NEGR1: variants seen among roughly 807,000 people sequenced by gnomAD.
The protein encoded by NEGR1 is IgLON family member 4.
In NEGR1, 10 loss-of-function variants were observed where a neutral mutation model predicts 40.9. That is an observed-to-expected ratio of 0.24 (90% confidence interval 0.15 to 0.42). The LOEUF is 0.42. Among genes scored for constraint, NEGR1 ranks in the 10% least tolerant of loss-of-function variants. The pLI is 1.00. For synonymous variants in NEGR1, 185 were observed against 166.8 expected (o/e 1.11, Z -0.84); for missense variants, 352 against 438.9 (o/e 0.80, Z 1.77).
intron 6 of NEGR1, among the ~76,000 whole-genome samples, chr1:71,502,838 A>G (rs564465675): frequency 6.6e-6 from 1 of 152,310 alleles, no homozygotes; most frequent in South Asian, 2.1e-4. Flanking sequence ...TATCCTAGAT[A>G]TGAAACAAGT....
At chr1:71,742,866 A>G (rs994077013) in intron 3 of NEGR1, among the ~76,000 whole-genome samples, 1 of 152,224 alleles carries the variant, frequency 6.6e-6, no homozygotes, top group African/African-American at 2.4e-5. Flanking sequence ...GCCAGATCTT[A>G]TGTACACAAT....
chr1:71,841,076 C>A (rs627751), intron 2 of NEGR1, among the ~76,000 whole-genome samples: 56,576 of 151,540 alleles, frequency 0.37, 10,799 homozygotes, highest in East Asian at 0.59. Context: ...TTCTCTCTCT[C>A]TATATATATA....
At chr1:71,792,255 T>G (rs1657144279) in intron 2 of NEGR1, among the ~76,000 whole-genome samples, 1 of 152,146 alleles carries the variant, frequency 6.6e-6, no homozygotes, top group East Asian at 1.9e-4. Context: ...CATGGCTGGT[T>G]GTATGTTGGT....
chr1:71,627,051 C>T (rs1650811436), intron 4 of NEGR1, among the ~76,000 whole-genome samples: 1 of 152,132 alleles, frequency 6.6e-6, no homozygotes, highest in Admixed American at 6.6e-5. Flanking sequence ...GTTGGTGGGA[C>T]TGTAAACTAG....
At chr1:71,968,630 T>C (rs2100312116) in intron 1 of NEGR1, among the ~76,000 whole-genome samples, 1 of 152,314 alleles carries the variant, frequency 6.6e-6, no homozygotes, top group South Asian at 2.1e-4. Context: ...AGAAAAGGTT[T>C]TACAAATTAA....
chr1:71,554,243 A>G (rs1345299695), intron 6 of NEGR1, among the ~76,000 whole-genome samples: 2 of 151,582 alleles, frequency 1.3e-5, no homozygotes, highest in African/African-American at 2.4e-5. Context: ...ACTGGGCACT[A>G]AACAAGTGTA....
intron 1 of NEGR1, among the ~76,000 whole-genome samples, chr1:72,096,777 C>T (rs1048914103): frequency 2.0e-5 from 3 of 152,110 alleles, no homozygotes; most frequent in Non-Finnish European, 4.4e-5. Context: ...TCTCCTGCCT[C>T]AGCCTCCCGA....
intron 4 of NEGR1, among the ~76,000 whole-genome samples, chr1:71,683,553 T>C (rs147465681): frequency 1.4e-3 from 212 of 152,204 alleles, no homozygotes; most frequent in African/African-American, 4.9e-3. Flanking sequence ...ATCTAACATA[T>C]TATACCTCAA....
In NEGR1 at chr1:71,910,947, C is replaced by T. The variant is rs563318935; in HGVS notation, c.409+24132G>A. Among the ~76,000 whole-genome samples, 32 of 152,146 alleles carry T rather than the reference C, an allele frequency of 2.1e-4. No individual in the cohort carries two copies. The South Asian group carries it at 6.2e-3, about 30-fold the overall frequency. The stretch of plus-strand genomic sequence containing the variant: ...TCCTGAGCTCAAGTGATCCATCTAC[C>T]GCAGCTTTTCAAAGTTCTAGGATTA... On this transcript the variant is annotated intron_variant, in intron 2 of 6. Coordinates refer to ENST00000357731, the MANE Select transcript of NEGR1 (RefSeq NM_173808.3).
At chr1:71,615,830 G>A (rs1650429194) in intron 4 of NEGR1, among the ~76,000 whole-genome samples, 1 of 152,166 alleles carries the variant, frequency 6.6e-6, no homozygotes, top group African/African-American at 2.4e-5. Flanking sequence ...AGGCAGGAGA[G>A]GAAACCGGCA....
intron 6 of NEGR1, among the ~76,000 whole-genome samples, chr1:71,502,140 G>GT (rs1294058820): frequency 6.6e-6 from 1 of 152,088 alleles, no homozygotes; most frequent in African/African-American, 2.4e-5. Context: ...CCCGGCAAAC[G>GT]TAACAAACTG....
rs531309200 is a variant in NEGR1, at chr1:71,505,368, A to AC, written c.940+87448dup. On this transcript the variant is annotated intron_variant, in intron 6 of 6. Coordinates refer to ENST00000357731, the MANE Select transcript of NEGR1 (RefSeq NM_173808.3). ...GCTATCTTGGCTCACTGCAAGCTCC[A>AC]CCTGCCGGGTTCACGCCATTCTCCT... Among the ~76,000 whole-genome samples, 352 of 151,650 alleles carry AC rather than the reference A, an allele frequency of 2.3e-3. 1 individual carries two copies. The highest frequency in any genetic ancestry group is 8.1e-3 in the African/African-American group (335 of 41,288).
intron 1 of NEGR1, among the ~76,000 whole-genome samples, chr1:72,073,802 C>CAA (rs200568648): frequency 7.0e-6 from 1 of 141,848 alleles, no homozygotes; most frequent in African/African-American, 2.6e-5. Context: ...ATTTTTTTTC[C>CAA]AAAAAAAAAT....
intron 1 of NEGR1, among the ~76,000 whole-genome samples, chr1:72,250,205 G>C (rs1210419676): frequency 6.6e-6 from 1 of 152,050 alleles, no homozygotes; most frequent in Non-Finnish European, 1.5e-5. Flanking sequence ...TGAGTCTCTA[G>C]TCCCACAGTA....
intron 1 of NEGR1, among the ~76,000 whole-genome samples, chr1:72,017,419 G>T (rs1041439065): frequency 1.3e-5 from 2 of 151,962 alleles, no homozygotes; most frequent in South Asian, 2.1e-4. Context: ...TAAGAGCAAA[G>T]AACAAGTATT....
chr1:71,848,784 C>G (rs949322970), intron 2 of NEGR1, among the ~76,000 whole-genome samples: 2 of 152,124 alleles, frequency 1.3e-5, no homozygotes, highest in East Asian at 3.9e-4. Flanking sequence ...TCAAGACTTA[C>G]TATTTAAGAA....
intron 6 of NEGR1, among the ~76,000 whole-genome samples, chr1:71,520,179 A>G (rs1569979032): frequency 6.6e-6 from 1 of 152,036 alleles, no homozygotes; most frequent in African/African-American, 2.4e-5. Context: ...GTAAATTGGG[A>G]TGAAAATGAC....
At chr1:71,686,696 C>T (rs573487486) in intron 4 of NEGR1, among the ~76,000 whole-genome samples, 1 of 152,154 alleles carries the variant, frequency 6.6e-6, no homozygotes, top group Non-Finnish European at 1.5e-5. Flanking sequence ...GATAAATTAC[C>T]TTTACCCCAT....
At chr1:71,571,204 C>T (rs573222336) in intron 6 of NEGR1, among the ~76,000 whole-genome samples, 36 of 152,194 alleles carry the variant, frequency 2.4e-4, no homozygotes, top group Admixed American at 3.9e-4. Flanking sequence ...TATTTTGGGA[C>T]AGACATATCT....
Sources: allele counts gnomAD v4.1 joint callset (sites outside exome capture counted in the v4.1 genomes callset), GRCh38; gene constraint gnomAD v4.1.1; transcripts MANE v1.5; gene names NCBI Gene and HGNC (gene_info 2026-07-23, HGNC 2026-07-21).